MEGF9: variants seen among roughly 807,000 people sequenced by gnomAD.
The protein encoded by MEGF9 is multiple epidermal growth factor-like domains protein 9.
Under a neutral mutation model 46.8 loss-of-function variants are expected in MEGF9, and 6 were observed. The observed-to-expected ratio is 0.13, with a 90% CI of 0.07 to 0.25. The LOEUF is 0.25. Among genes scored for constraint, MEGF9 ranks in the 10% least tolerant of loss-of-function variants. The pLI, the probability that MEGF9 is intolerant of heterozygous loss-of-function variation, is 1.00. For synonymous variants in MEGF9, 302 were observed against 330.7 expected (o/e 0.91, Z 0.94); for missense variants, 683 against 792.4 (o/e 0.86, Z 1.66).
At chr9:120,696,098 G>A (rs190234975) in intron 1 of MEGF9, among the ~76,000 whole-genome samples, 1 of 152,346 alleles carries the variant, frequency 6.6e-6, no homozygotes, top group Admixed American at 6.5e-5. Context: ...GGTGATGTCA[G>A]TGGCATATAT....
chr9:120,713,033 A>T (rs2132349275), intron 1 of MEGF9, among the ~76,000 whole-genome samples: 1 of 152,326 alleles, frequency 6.6e-6, no homozygotes, highest in South Asian at 2.1e-4. Flanking sequence ...TCCTTGCTTA[A>T]ATGGTGTATT....
chr9:120,603,074 A>T lies in MEGF9; in HGVS notation c.*2116T>A, dbSNP rs1338053795. 1 of 152,226 alleles carries T rather than the reference A, an allele frequency of 6.6e-6. No homozygotes were observed. The highest frequency in any genetic ancestry group is 6.5e-5 in the Admixed American group (1 of 15,276). The allele number at this position is 152,226 out of a possible 1,614,324, so 9.4% of individuals were successfully genotyped here. On this transcript the variant is annotated 3_prime_UTR_variant, in exon 6 of 6. Transcript: ENST00000373930. Reference sequence around the variant, plus strand: ...ATCCACAAGTAGAACTCTTCCTCCCAGCTTTCTTGTGTCCATGGCTAGGCA... The same window carrying T: ...ATCCACAAGTAGAACTCTTCCTCCCTGCTTTCTTGTGTCCATGGCTAGGCA...
intron 1 of MEGF9, among the ~76,000 whole-genome samples, chr9:120,710,957 A>C (rs1320751784): frequency 6.6e-6 from 1 of 152,240 alleles, no homozygotes; most frequent in African/African-American, 2.4e-5. Context: ...AACACAGGAA[A>C]GTTATCGAAA....
chr9:120,659,287 T>C, intron 2 of MEGF9, 87 bp downstream of exon 2: 1 of 1,090,836 alleles, frequency 9.2e-7, no homozygotes, highest in Middle Eastern at 3.1e-4. Context: ...CCCCTTTGTT[T>C]AAACCAGTAT....
intron 2 of MEGF9, among the ~76,000 whole-genome samples, chr9:120,637,132 C>A (rs1224491296): frequency 6.6e-6 from 1 of 152,188 alleles, no homozygotes; most frequent in Non-Finnish European, 1.5e-5. Flanking sequence ...CCCCCAACCC[C>A]ATGCTCTCTG....
chr9:120,655,097 A>G (rs2043670506), intron 2 of MEGF9, among the ~76,000 whole-genome samples: 1 of 152,202 alleles, frequency 6.6e-6, no homozygotes, highest in African/African-American at 2.4e-5. Flanking sequence ...CTTTTTAAAA[A>G]TAAATTTAGT....
chr9:120,647,470 A>G (rs187666649), intron 2 of MEGF9, among the ~76,000 whole-genome samples: 1 of 152,320 alleles, frequency 6.6e-6, no homozygotes, highest in East Asian at 1.9e-4. Context: ...ATGAATCACA[A>G]TAAGATAAAG....
Position 120,659,354 on chromosome 9 carries a change from T to C in MEGF9, c.803+20A>G, listed in dbSNP as rs370892047. On this transcript the variant is annotated intron_variant, in intron 2 of 5. Coordinates refer to ENST00000373930, the MANE Select transcript of MEGF9 (RefSeq NM_001080497.3). ...CTTGCTAAAATAAAATAAACTTCAG[T>C]TCCACCCTCTGTTGCTTACCTGTTG... The C allele has an allele frequency of 2.4e-5, 39 of 1,606,990 alleles. 1 individual carries two copies. In the African/African-American group the frequency reaches 4.4e-4, roughly 18 times the overall value.
At chr9:120,637,488 A>T (rs1455478570) in intron 2 of MEGF9, among the ~76,000 whole-genome samples, 4 of 122,444 alleles carry the variant, frequency 3.3e-5, no homozygotes, top group Non-Finnish European at 5.0e-5. Context: ...ATTCTGCTTT[A>T]AAAAAAAAAA....
intron 1 of MEGF9, among the ~76,000 whole-genome samples, chr9:120,665,904 G>A (rs915291654): frequency 1.3e-5 from 2 of 152,100 alleles, no homozygotes; most frequent in Non-Finnish European, 2.9e-5. Flanking sequence ...TCAATTGGCT[G>A]TAAATACATG....
chr9:120,638,208 T>A (rs571276005), intron 2 of MEGF9, among the ~76,000 whole-genome samples: 1 of 152,310 alleles, frequency 6.6e-6, no homozygotes, highest in African/African-American at 2.4e-5. Context: ...CCCACGTTGG[T>A]CTTTAACTCC....
intron 1 of MEGF9, among the ~76,000 whole-genome samples, chr9:120,673,695 C>T (rs1468717937): frequency 6.6e-5 from 10 of 151,584 alleles, no homozygotes; most frequent in African/African-American, 2.4e-4. Flanking sequence ...AGGCCGGGCA[C>T]GGTGGCTCAC....
At chr9:120,667,259 A>C (rs1052875426) in intron 1 of MEGF9, among the ~76,000 whole-genome samples, 2 of 152,202 alleles carry the variant, frequency 1.3e-5, no homozygotes, top group Non-Finnish European at 2.9e-5. Context: ...GATAGCAGGA[A>C]GTTATTAATG....
intron 2 of MEGF9, among the ~76,000 whole-genome samples, chr9:120,641,560 T>C (rs1015281580): frequency 2.0e-5 from 3 of 152,208 alleles, no homozygotes; most frequent in Non-Finnish European, 2.9e-5. Flanking sequence ...GCCACCAACA[T>C]AGATCAGTGG....
intron 1 of MEGF9, among the ~76,000 whole-genome samples, chr9:120,659,933 C>T (rs1313411088): frequency 6.6e-6 from 1 of 150,828 alleles, no homozygotes; most frequent in Non-Finnish European, 1.5e-5. Flanking sequence ...CACTGTATAG[C>T]AGCAAAAGCC....
chr9:120,710,373 G>A (rs147037205), intron 1 of MEGF9, among the ~76,000 whole-genome samples: 2,681 of 146,400 alleles, frequency 0.018, 86 homozygotes, highest in African/African-American at 0.064. Context: ...GTGGTGAGCC[G>A]AGATAGCACC....
intron 1 of MEGF9, among the ~76,000 whole-genome samples, chr9:120,702,220 G>A (rs2043908823): frequency 6.6e-6 from 1 of 152,112 alleles, no homozygotes; most frequent in African/African-American, 2.4e-5. Context: ...CAGTCTGCAT[G>A]AATAGTCTCC....
chr9:120,694,059 A>G (rs961550026), intron 1 of MEGF9, among the ~76,000 whole-genome samples: 5 of 152,220 alleles, frequency 3.3e-5, no homozygotes, highest in Admixed American at 1.3e-4. Context: ...AAACAGATAT[A>G]TGATATGGAC....
intron 2 of MEGF9, among the ~76,000 whole-genome samples, chr9:120,624,067 T>C (rs2043513145): frequency 6.6e-6 from 1 of 152,198 alleles, no homozygotes; most frequent in Non-Finnish European, 1.5e-5. Context: ...CCCAAAGTAG[T>C]TGCTATTCCT....
Sources: allele counts gnomAD v4.1 joint callset (sites outside exome capture counted in the v4.1 genomes callset), GRCh38; gene constraint gnomAD v4.1.1; transcripts MANE v1.5; gene names NCBI Gene and HGNC (gene_info 2026-07-23, HGNC 2026-07-21).